CACNB1: variants seen among roughly 807,000 people sequenced by gnomAD.
CACNB1 encodes voltage-dependent L-type calcium channel subunit beta-1.
Under a neutral mutation model 71.6 loss-of-function variants are expected in CACNB1, and 29 were observed. The ratio of observed to expected loss-of-function variants is 0.40; its 90% CI spans 0.30 to 0.55. The LOEUF (loss-of-function observed/expected upper bound fraction) is 0.55, where lower values mean the gene tolerates loss of function less well. CACNB1 is among the 20% of genes least tolerant of loss of function. The pLI is 0.38. For missense variants in CACNB1, 623 were observed against 801.8 expected, an observed-to-expected ratio of 0.78 and a Z score of 2.69; for synonymous variants, 300 against 319.6, an observed-to-expected ratio of 0.94 and a Z score of 0.65.
chr17:39,184,863 G>A lies in CACNB1; in HGVS notation c.650C>T (p.Thr217Ile). The A allele has an allele frequency of 1.3e-6, 2 of 1,535,284 alleles. No individual in the cohort carries two copies. Among genetic ancestry groups the A allele is most frequent in the Non-Finnish European group, 1.8e-6 (2 of 1,108,214 alleles). Residue 217 changes from threonine (T) to isoleucine (I), a missense_variant and splice_region_variant, in exon 8 of 14, where the codon ACA (threonine) becomes ATA (isoleucine). Coordinates refer to ENST00000394303, the MANE Select transcript of CACNB1 (RefSeq NM_000723.5). ...CACGTCATAGGGGGGCACATGCTCT[G>A]TCTGGGGGGGGAAGCAGGGAGGGGA... ...PASAKQKQKS[T>I]EHVPPYDVVP...
In CACNB1 at chr17:39,175,761, A is replaced by C; in HGVS notation, c.1333-104T>G. The C allele has an allele frequency of 1.1e-6, 1 of 935,636 alleles. No homozygotes were observed. Among genetic ancestry groups the C allele is most frequent in the Non-Finnish European group, 1.6e-6 (1 of 635,476 alleles). The allele number at this position is 935,636 out of a possible 1,614,324, so 58.0% of individuals were successfully genotyped here. A position where few individuals can be genotyped will look rare whatever the true frequency, so the allele number is the denominator to read the frequency against. ...GACAGCATTAAGAGGTCCGGCCTGG[A>C]TGAAGAGGGTGCTGGCTCTAGAGGA... On this transcript the variant is annotated intron_variant, in intron 13 of 13. Coordinates refer to ENST00000394303, the MANE Select transcript of CACNB1 (RefSeq NM_000723.5). The surrounding 1 kb of genome is among the most constrained non-coding windows in gnomAD (Gnocchi z 4.7).
chr17:39,190,382 C>G (rs759435599), intron 3 of CACNB1, among the ~76,000 whole-genome samples: 1 of 152,102 alleles, frequency 6.6e-6, no homozygotes, highest in South Asian at 2.1e-4. Context: ...GCCTGAGTGA[C>G]AGAGAGAGAC....
chr17:39,187,339 T>G (rs2045966106), intron 4 of CACNB1, 140 bp downstream of exon 4: 1 of 945,392 alleles, frequency 1.1e-6, no homozygotes, highest in South Asian at 1.6e-5. Context: ...ATTAAGAGGC[T>G]CAGAGAGGTG....
At position 39,175,515 on chromosome 17, in the gene CACNB1, C is replaced by T. The variant is rs769993738; in HGVS notation, c.1475G>A (p.Arg492Gln). ...SHPPGRAGTL[R>Q]ALSRQDTFDA... ...AAAAGTGTCTTGGCGGGACAGTGCC[C>T]GTAGCGTGCCTGCCCGGCCTGGTGG... is the stretch of plus-strand genomic sequence containing the variant. The change falls in exon 14 of 14, where the codon CGG becomes CAG. Residue 492 changes from arginine (R) to glutamine (Q), a missense_variant. Transcript: ENST00000394303. The surrounding 1 kb of genome is among the most constrained non-coding windows in gnomAD (Gnocchi z 4.7). 2.5e-6 allele frequency: 4 copies of T among 1,613,872 alleles called. No homozygotes were observed. Among genetic ancestry groups the T allele is most frequent in the South Asian group, 1.1e-5 (1 of 91,074 alleles).
At position 39,186,261 on chromosome 17, in the gene CACNB1, G is replaced by GAA; in HGVS notation, c.628+234_628+235insTT. ...ACAGGGCTGGGAGAAATGAATGGGG[G>GAA]CAGGGCAGGGGAATCAGGCAGAGAG... On this transcript the variant is annotated intron_variant, in intron 6 of 13. Coordinates refer to ENST00000394303, the MANE Select transcript of CACNB1 (RefSeq NM_000723.5). The surrounding 1 kb of genome is among the most constrained non-coding windows in gnomAD (Gnocchi z 4.1). 4.5e-6 allele frequency: 3 copies of GAA among 671,594 alleles called. No individual in the cohort carries two copies. The East Asian group carries it at 8.1e-5, about 18-fold the overall frequency. 41.6% of individuals were successfully genotyped at this position (671,594 alleles called of 1,614,324 possible).
chr17:39,195,233 C>A, intron 1 of CACNB1: 1 of 375,534 alleles, frequency 2.7e-6, no homozygotes, highest in Non-Finnish European at 4.8e-6. Flanking sequence ...CCAAACCAAG[C>A]CAGAGAGGCT....
At chr17:39,192,701 GA>G in intron 2 of CACNB1, 1 of 152,516 alleles carries the variant, frequency 6.6e-6, no homozygotes. Context: ...CCTGAGGGCA[GA>G]AAAGGGTCAC....
At chr17:39,183,577 T>C (rs963054763) in intron 11 of CACNB1, 136 bp downstream of exon 11, 11 of 732,242 alleles carry the variant, frequency 1.5e-5, no homozygotes, top group Non-Finnish European at 2.4e-5. Flanking sequence ...GACAATACGA[T>C]GGAGCTTTAC....
At chr17:39,191,899 G>T (rs1286582038) in intron 2 of CACNB1, 1 of 387,940 alleles carries the variant, frequency 2.6e-6, no homozygotes, top group Non-Finnish European at 4.6e-6. Flanking sequence ...GGCAAGGGAG[G>T]AATGCCAGGG....
At position 39,177,436 on chromosome 17, in the gene CACNB1, T is replaced by A. The variant is rs552669067; in HGVS notation, c.1246A>T (p.Ser416Cys). The change falls in exon 13 of 14, where the codon AGC becomes TGC. Residue 416 changes from serine to cysteine, a missense_variant. Ser to Cys is a moderately radical substitution (Grantham distance 112). Coordinates refer to ENST00000394303, the MANE Select transcript of CACNB1 (RefSeq NM_000723.5). ...EAYWKATHPP[S>C]STPPNPLLNR... is the part of the protein sequence containing the mutation. ...AGCAGCGGATTGGGTGGCGTGCTGC[T>A]GGGCGGGTGTGTGGCCTTCCAATAG... 3 of 1,613,904 alleles carry A rather than the reference T, an allele frequency of 1.9e-6. No individual in the cohort carries two copies. The East Asian group carries it at 6.7e-5, about 36-fold the overall frequency.
chr17:39,190,065 G>A (rs1238034349), intron 3 of CACNB1, among the ~76,000 whole-genome samples: 4 of 151,734 alleles, frequency 2.6e-5, no homozygotes, highest in African/African-American at 4.8e-5. Context: ...GCAGTGAGCC[G>A]AGATCGCACC....
chr17:39,183,864 G>A lies in CACNB1; in HGVS notation c.899C>T (p.Ala300Val). The change falls in exon 11 of 14, where the codon GCT (alanine) becomes GTT (valine). Residue 300 changes from alanine (A) to valine (V), a missense_variant and splice_region_variant. Physicochemically the swap from Ala to Val is moderately conservative, Grantham distance 64. Coordinates refer to ENST00000394303, the MANE Select transcript of CACNB1 (RefSeq NM_000723.5). ...TCGCTCGATTTCACTCTGCACCTCA[G>A]CTGGGGGCATGGAGTCATGTGGATG... ...IERSNTRSSL[A>V]EVQSEIERIF... 6.2e-7 allele frequency: 1 copy of A among 1,612,464 alleles called. No individual in the cohort carries two copies.
At chr17:39,185,962 G>T (rs975179249) in intron 6 of CACNB1, 1 of 1,612,694 alleles carries the variant, frequency 6.2e-7, no homozygotes, top group South Asian at 1.1e-5. Flanking sequence ...TCTTAAAGAA[G>T]GGGATGCGTT....
chr17:39,177,854 G>A (rs2045627290), intron 12 of CACNB1, 130 bp downstream of exon 12: 3 of 759,958 alleles, frequency 3.9e-6, no homozygotes, highest in Non-Finnish European at 6.9e-6. Flanking sequence ...GCTCTTCCCA[G>A]AAGACCAGTC....
chr17:39,187,742 G>A (rs2045976278), intron 3 of CACNB1, 141 bp from the exon 4 acceptor site: 1 of 1,007,852 alleles, frequency 9.9e-7, no homozygotes, highest in Non-Finnish European at 1.5e-6. Context: ...GGCAGGGTGT[G>A]GTGGCTCACA....
intron 11 of CACNB1, among the ~76,000 whole-genome samples, chr17:39,182,441 C>T (rs1363383698): frequency 6.6e-6 from 1 of 152,070 alleles, no homozygotes; most frequent in African/African-American, 2.4e-5. Flanking sequence ...TAGCTCACTC[C>T]TGTAATCCCA....
In CACNB1 at chr17:39,191,489, C is replaced by A; in HGVS notation, c.276G>T (p.Gln92His). ...RKEAERQALA[Q>H]LEKAKTKPVA... is the part of the protein sequence containing the mutation. ...TCTTTCTCACCTTGGCCTTCTCGAG[C>A]TGCGCTAATGCCTGGCGCTCTGCTT... Residue 92 changes from glutamine to histidine, a missense_variant, in exon 3 of 14, where the codon CAG (glutamine) becomes CAT (histidine). Gln to His is a conservative substitution (Grantham distance 24). Coordinates refer to ENST00000394303, the MANE Select transcript of CACNB1 (RefSeq NM_000723.5). The A allele has an allele frequency of 6.2e-7, 1 of 1,602,872 alleles. No homozygotes were observed. Among genetic ancestry groups the A allele is most frequent in the South Asian group, 1.1e-5 (1 of 89,462 alleles).
chr17:39,185,258 C>T (rs1337315286), intron 6 of CACNB1, 108 bp from the exon 7 acceptor site: 2 of 848,238 alleles, frequency 2.4e-6, no homozygotes, highest in African/African-American at 1.7e-5. Context: ...GAGGGAGAGC[C>T]GGGCAGACGA....
chr17:39,180,720 A>C (rs1376835052), intron 11 of CACNB1, among the ~76,000 whole-genome samples: 1 of 152,084 alleles, frequency 6.6e-6, no homozygotes, highest in Non-Finnish European at 1.5e-5. Context: ...GAATCTGAAA[A>C]AAATTAGACT....
Sources: allele counts gnomAD v4.1 joint callset (sites outside exome capture counted in the v4.1 genomes callset), GRCh38; gene constraint gnomAD v4.1.1; non-coding constraint Gnocchi (gnomAD v3.1); transcripts MANE v1.5; gene names NCBI Gene and HGNC (gene_info 2026-07-23, HGNC 2026-07-21).